DDHD1: variants seen among roughly 807,000 people sequenced by gnomAD.
The protein encoded by DDHD1 is DDHD domain containing 1, also known as phospholipase DDHD1.
DDHD1 carries 49 observed loss-of-function variants against 96.4 expected under a neutral mutation model. The observed-to-expected ratio is 0.51, with a 90% CI of 0.40 to 0.64. The LOEUF (loss-of-function observed/expected upper bound fraction) is 0.64, where lower values mean the gene tolerates loss of function less well. Among genes scored for constraint, DDHD1 ranks in the 30% least tolerant of loss-of-function variants. The pLI is 0.00. For synonymous variants in DDHD1, 442 were observed against 446.5 expected, an observed-to-expected ratio of 0.99 and a Z score of 0.13; for missense variants, 1,106 against 1,161.2, an observed-to-expected ratio of 0.95 and a Z score of 0.69.
rs904215068 is a variant in DDHD1 at position 53,147,798 on chromosome 14, C to T, written c.838+4463G>A. On this transcript the variant is annotated intron_variant, in intron 1 of 12. Transcript: ENST00000673822. ...GAGTAAAAGATAAAAGTCTCCAACA[C>T]TTTTTCAGGGTCAGGCACGATCCCT... is the stretch of plus-strand genomic sequence containing the variant. Among the ~76,000 whole-genome samples, 35 of 152,268 alleles carry T rather than the reference C, an allele frequency of 2.3e-4. 1 individual carries two copies. The highest frequency in any genetic ancestry group is 3.4e-3 in the Middle Eastern group (1 of 294).
chr14:53,096,233 A>G (rs1292466965), intron 2 of DDHD1: 1 of 968,508 alleles, frequency 1.0e-6, no homozygotes, highest in Non-Finnish European at 1.2e-6. Flanking sequence ...GAAAGCAAAA[A>G]CACTGAGCTT....
chr14:53,096,235 A>T, intron 2 of DDHD1: 2 of 966,580 alleles, frequency 2.1e-6, no homozygotes, highest in Non-Finnish European at 2.5e-6. Context: ...AAGCAAAAAC[A>T]CTGAGCTTCA....
intron 1 of DDHD1, among the ~76,000 whole-genome samples, chr14:53,142,576 C>T (rs1414703209): frequency 2.6e-5 from 4 of 152,200 alleles, no homozygotes; most frequent in African/African-American, 7.2e-5. Context: ...CTGGGAGAGT[C>T]GTCTAAATGA....
chr14:53,146,828 T>C (rs1891017325), intron 1 of DDHD1, among the ~76,000 whole-genome samples: 1 of 151,940 alleles, frequency 6.6e-6, no homozygotes, highest in Non-Finnish European at 1.5e-5. Flanking sequence ...ACAGTAACTA[T>C]AAAAAAATTT....
chr14:53,099,192 A>C (rs1386218616), intron 2 of DDHD1, among the ~76,000 whole-genome samples: 1 of 152,172 alleles, frequency 6.6e-6, no homozygotes, highest in Non-Finnish European at 1.5e-5. Flanking sequence ...CAAAAATAGT[A>C]CAGGGAGCTA....
At chr14:53,103,617 C>A in intron 2 of DDHD1, 66 bp downstream of exon 2, 2 of 1,258,606 alleles carry the variant, frequency 1.6e-6, no homozygotes, top group South Asian at 2.1e-5. Context: ...ATTTACAAAC[C>A]ACTCTAAACT....
At chr14:53,084,407 T>C (rs185912192) in intron 4 of DDHD1, among the ~76,000 whole-genome samples, 287 of 152,302 alleles carry the variant, frequency 1.9e-3, no homozygotes, top group African/African-American at 6.5e-3. Context: ...TTCTTATTTA[T>C]CAATGGCTCC....
chr14:53,126,139 T>C (rs1460789802), intron 1 of DDHD1, among the ~76,000 whole-genome samples: 2 of 152,222 alleles, frequency 1.3e-5, no homozygotes, highest in African/African-American at 2.4e-5. Context: ...GGTTCCCAAC[T>C]AGTTAAAAAC....
At chr14:53,129,616 G>A (rs771260387) in intron 1 of DDHD1, among the ~76,000 whole-genome samples, 12 of 152,066 alleles carry the variant, frequency 7.9e-5, no homozygotes, top group African/African-American at 1.2e-4. Context: ...TTCCCTGGGA[G>A]GCAAGCACCA....
At chr14:53,089,186 C>T (rs1039929511) in intron 4 of DDHD1, among the ~76,000 whole-genome samples, 2 of 152,160 alleles carry the variant, frequency 1.3e-5, no homozygotes. Context: ...AATGGAAGAA[C>T]ATTCCATGCT....
At chr14:53,115,628 A>C (rs1289910322) in intron 1 of DDHD1, among the ~76,000 whole-genome samples, 1 of 152,176 alleles carries the variant, frequency 6.6e-6, no homozygotes, top group African/African-American at 2.4e-5. Context: ...AGCCAAACTA[A>C]GCTTCATAAC....
At chr14:53,058,882 AT>A (rs1472611126) in intron 8 of DDHD1, among the ~76,000 whole-genome samples, 35 of 152,342 alleles carry the variant, frequency 2.3e-4, no homozygotes, top group African/African-American at 8.2e-4. Context: ...TTTCTTATAT[AT>A]TTGTATACAC....
chr14:53,150,964 C>A (rs1174031334), intron 1 of DDHD1, among the ~76,000 whole-genome samples: 1 of 152,176 alleles, frequency 6.6e-6, no homozygotes, highest in African/African-American at 2.4e-5. Context: ...TTAGTATCAT[C>A]TTAATGTGCA....
chr14:53,084,335 G>C (rs570742447), intron 4 of DDHD1, among the ~76,000 whole-genome samples: 1 of 151,962 alleles, frequency 6.6e-6, no homozygotes, highest in Non-Finnish European at 1.5e-5. Context: ...TCCTGCTTTT[G>C]GCTTAAGCCT....
At chr14:53,117,904 T>G (rs1888675703) in intron 1 of DDHD1, among the ~76,000 whole-genome samples, 1 of 152,128 alleles carries the variant, frequency 6.6e-6, no homozygotes, top group Admixed American at 6.5e-5. Flanking sequence ...CTCCCAGTAT[T>G]GGCCGACAGA....
At chr14:53,104,890 A>T (rs554129064) in intron 1 of DDHD1, among the ~76,000 whole-genome samples, 29 of 152,062 alleles carry the variant, frequency 1.9e-4, no homozygotes, top group Non-Finnish European at 3.2e-4. Context: ...TGAATTTAAA[A>T]CTCCGTCATT....
chr14:53,059,976 C>G (rs999329336), intron 8 of DDHD1, among the ~76,000 whole-genome samples: 26 of 147,044 alleles, frequency 1.8e-4, no homozygotes, highest in Admixed American at 9.5e-4. Context: ...TATGTTATAA[C>G]TTACCATATT....
intron 6 of DDHD1, among the ~76,000 whole-genome samples, chr14:53,067,054 G>T (rs540527040): frequency 6.6e-6 from 1 of 151,706 alleles, no homozygotes; most frequent in East Asian, 1.9e-4. Flanking sequence ...GAATTCCCAG[G>T]ATAGTATCAA....
chr14:53,069,717 T>C (rs1884350924), intron 6 of DDHD1, among the ~76,000 whole-genome samples: 1 of 152,174 alleles, frequency 6.6e-6, no homozygotes, highest in Non-Finnish European at 1.5e-5. Context: ...ATTTTAGAAA[T>C]TGTTGAATTT....
Sources: allele counts gnomAD v4.1 joint callset (sites outside exome capture counted in the v4.1 genomes callset), GRCh38; gene constraint gnomAD v4.1.1; transcripts MANE v1.5; gene names NCBI Gene and HGNC (gene_info 2026-07-23, HGNC 2026-07-21).